LIN54: variants seen among roughly 807,000 people sequenced by gnomAD.
The protein encoded by LIN54 is lin-54 DREAM MuvB core complex component.
In LIN54, 9 loss-of-function variants were observed where a neutral mutation model predicts 78.7. The ratio of observed to expected loss-of-function variants is 0.11; its 90% CI spans 0.07 to 0.20. The LOEUF is 0.20. Among genes scored for constraint, LIN54 ranks in the 10% least tolerant of loss-of-function variants. LIN54 has a pLI of 1.00. For missense variants in LIN54, 573 were observed against 889.9 expected, an observed-to-expected ratio of 0.64 and a Z score of 4.53; for synonymous variants, 269 against 318.4, an observed-to-expected ratio of 0.84 and a Z score of 1.65.
chr4:82,954,176 C>T (rs968634297), intron 4 of LIN54, among the ~76,000 whole-genome samples: 1 of 152,080 alleles, frequency 6.6e-6, no homozygotes, highest in East Asian at 1.9e-4. Context: ...TAAATTTTGA[C>T]TTATTTAATG....
intron 11 of LIN54, 103 bp from the exon 12 acceptor site, chr4:82,931,248 CTGATAA>C: frequency 1.2e-6 from 1 of 805,006 alleles, no homozygotes; most frequent in Non-Finnish European, 2.1e-6. Context: ...ACCTGGTCAA[CTGATAA>C]TAAGATTAGA....
chr4:82,953,502 C>T lies in LIN54; in HGVS notation c.952-7028G>A, dbSNP rs147112024. On this transcript the variant is annotated intron_variant, in intron 4 of 12. Coordinates refer to ENST00000340417, the MANE Select transcript of LIN54 (RefSeq NM_194282.4). ...AAATAGCTGGGTACAGTGACTCACACCTGTAATCACAGCTACTTGGGAGGC... is the reference window on the plus strand; with the variant it reads ...AAATAGCTGGGTACAGTGACTCACATCTGTAATCACAGCTACTTGGGAGGC... 1.4e-3 allele frequency among the ~76,000 whole-genome samples: 211 copies of T among 152,160 alleles called. 2 individuals carry two copies. Among genetic ancestry groups the T allele is most frequent in the African/African-American group, 4.7e-3 (195 of 41,510 alleles).
intron 1 of LIN54, among the ~76,000 whole-genome samples, chr4:83,005,968 C>G (rs190841833): frequency 1.3e-5 from 2 of 152,142 alleles, no homozygotes; most frequent in Non-Finnish European, 2.9e-5. Context: ...AGAAAGAAAC[C>G]GTGTCCTTTG....
chr4:82,930,396 A>G (rs17006393), intron 12 of LIN54, among the ~76,000 whole-genome samples: 3,026 of 152,306 alleles, frequency 0.02, 100 homozygotes, highest in African/African-American at 0.068. Context: ...AGGCTATTTT[A>G]AGGATAAGAA....
chr4:82,937,268 G>C lies in LIN54; in HGVS notation c.1563C>G (p.Pro521=). The change falls in exon 9 of 13, where the codon CCC becomes CCG. Residue 521 remains proline (P), a synonymous_variant. Coordinates refer to ENST00000340417, the MANE Select transcript of LIN54 (RefSeq NM_194282.4). ...ATTTTGTACAATTACAGGGCTTTCG[G>C]GGCCGACTGGCCGACTCTGATGGGA... ...GIIPSESASR[P]RKPCNCTKSL... is the part of the protein sequence containing the mutation. 1 of 1,584,066 alleles carries C rather than the reference G, an allele frequency of 6.3e-7. No individual in the cohort carries two copies. Among genetic ancestry groups the C allele is most frequent in the Non-Finnish European group, 8.7e-7 (1 of 1,152,768 alleles).
At position 82,984,283 on chromosome 4, in the gene LIN54, T is replaced by C. The variant is rs1726928760; in HGVS notation, c.562A>G (p.Ile188Val). The stretch of plus-strand genomic sequence containing the variant: ...GGTTTCACCTCTGGCCTCCCTCCAA[T>C]GGTAACTACTTTAATTTGCTGCGGT... ...LPPQQIKVVT[I>V]GGRPEVKPVI... The change falls in exon 2 of 13, where the codon ATT becomes GTT. Residue 188 changes from isoleucine (I) to valine (V), a missense_variant. Ile to Val is a conservative substitution (Grantham distance 29, BLOSUM62 3). This residue lies in a region of LIN54 where 183 missense variants were observed against 228.4 expected (regional missense o/e 0.80). Coordinates refer to ENST00000340417, the MANE Select transcript of LIN54 (RefSeq NM_194282.4). The C allele has an allele frequency of 5.0e-6, 8 of 1,614,032 alleles. No homozygotes were observed. Among genetic ancestry groups the C allele is most frequent in the African/African-American group, 1.3e-5 (1 of 74,914 alleles).
chr4:82,934,100 A>T (rs1722190727), intron 11 of LIN54, among the ~76,000 whole-genome samples: 1 of 152,202 alleles, frequency 6.6e-6, no homozygotes, highest in Admixed American at 6.5e-5. Flanking sequence ...GGATTTTGAG[A>T]TGTTAAGACA....
At chr4:83,009,563 A>T (rs1386027679) in intron 1 of LIN54, among the ~76,000 whole-genome samples, 1 of 152,244 alleles carries the variant, frequency 6.6e-6, no homozygotes, top group African/African-American at 2.4e-5. Context: ...ATCTTTCAGC[A>T]TAACCTAAAA....
At chr4:82,987,777 T>C (rs1297554693) in intron 1 of LIN54, among the ~76,000 whole-genome samples, 1 of 152,216 alleles carries the variant, frequency 6.6e-6, no homozygotes, top group Non-Finnish European at 1.5e-5. Flanking sequence ...ATCCAGTCTA[T>C]CACTGATGGG....
intron 11 of LIN54, among the ~76,000 whole-genome samples, chr4:82,932,391 T>C (rs797021373): frequency 7.3e-5 from 11 of 150,920 alleles, no homozygotes; most frequent in African/African-American, 2.7e-4. Flanking sequence ...CCACCGCGCC[T>C]GGCCTGTGTA....
intron 11 of LIN54, among the ~76,000 whole-genome samples, 176 bp downstream of exon 11, chr4:82,935,805 C>T (rs576451509): frequency 6.7e-4 from 102 of 152,236 alleles, no homozygotes; most frequent in African/African-American, 2.2e-3. Context: ...GGTATTCCTC[C>T]GAAGCCCTGC....
chr4:82,936,295 CT>C lies in LIN54; in HGVS notation c.1690del (p.Arg564GlyfsTer5). On this transcript the variant is annotated frameshift_variant, in exon 10 of 13. Transcript: ENST00000340417. LOFTEE classifies it high-confidence loss of function. ...AATAATCACCTTTATTGCTTTTTGC[CT>C]TTCATTTTCATGTTCCAAATTGTTG... ...CYNNLEHENE[R>X]QKAIKACLDR... The C allele has an allele frequency of 6.4e-7, 1 of 1,566,080 alleles. No individual in the cohort carries two copies. Among genetic ancestry groups the C allele is most frequent in the Non-Finnish European group, 8.7e-7 (1 of 1,150,564 alleles).
intron 3 of LIN54, among the ~76,000 whole-genome samples, chr4:82,976,204 T>C (rs1362653500): frequency 6.6e-6 from 1 of 152,090 alleles, no homozygotes; most frequent in Non-Finnish European, 1.5e-5. Flanking sequence ...GCACTGGCAT[T>C]TGAACTTAAT....
chr4:82,945,479 C>T (rs1035759082), intron 5 of LIN54, among the ~76,000 whole-genome samples: 11 of 151,602 alleles, frequency 7.3e-5, no homozygotes, highest in Non-Finnish European at 2.9e-5. Context: ...TACAACTAAG[C>T]AAAATAAAAC....
chr4:82,988,985 G>A, intron 1 of LIN54, among the ~76,000 whole-genome samples: 1 of 151,998 alleles, frequency 6.6e-6, no homozygotes, highest in East Asian at 1.9e-4. Context: ...TCAGGAGATC[G>A]AGACCATCCT....
chr4:83,011,404 T>C (rs34825689), upstream of LIN54, among the ~76,000 whole-genome samples: 23,988 of 152,090 alleles, frequency 0.16, 2,041 homozygotes, highest in South Asian at 0.29. Flanking sequence ...ATTTATCTGG[T>C]CATTTCTGTC....
At chr4:82,971,866 A>T (rs1023931577) in intron 3 of LIN54, among the ~76,000 whole-genome samples, 1 of 152,256 alleles carries the variant, frequency 6.6e-6, no homozygotes, top group Non-Finnish European at 1.5e-5. Context: ...AATTATCTCT[A>T]GAATCTGCTC....
chr4:83,003,261 C>A (rs2126111649), intron 1 of LIN54, among the ~76,000 whole-genome samples: 1 of 152,226 alleles, frequency 6.6e-6, no homozygotes, highest in African/African-American at 2.4e-5. Flanking sequence ...TTGATCCGCC[C>A]AGCTCGGTCT....
chr4:82,948,655 T>C lies in LIN54; in HGVS notation c.952-2181A>G, dbSNP rs897604082. Among the ~76,000 whole-genome samples the C allele has an allele frequency of 1.3e-5, 2 of 152,306 alleles. 1 individual carries two copies. The highest frequency in any genetic ancestry group is 6.8e-3 in the Middle Eastern group (2 of 294). On this transcript the variant is annotated intron_variant, in intron 4 of 12. Coordinates refer to ENST00000340417, the MANE Select transcript of LIN54 (RefSeq NM_194282.4). The stretch of plus-strand genomic sequence containing the variant: ...ACTGTATATTAGATTTCTACACTTG[T>C]TCATCCTACATATTATTTTACATCC...
Sources: gnomAD v4.1 joint callset for allele counts (sites outside exome capture counted in the v4.1 genomes callset) on GRCh38, gnomAD v4.1.1 for gene constraint, gnomAD v4.1.1 regional missense constraint, MANE v1.5 for transcripts, NCBI Gene and HGNC (gene_info 2026-07-23, HGNC 2026-07-21) for gene names.